The following SH3BP5 variants were observed in gnomAD, a reference collection of about 807,000 sequenced individuals.
SH3BP5 encodes SH3 domain-binding protein 5.
SH3BP5 carries 22 observed loss-of-function variants against 43.3 expected under a neutral mutation model. The ratio of observed to expected loss-of-function variants is 0.51; its 90% CI spans 0.36 to 0.73. The LOEUF is 0.73. SH3BP5 is among the 30% of genes least tolerant of loss of function. The pLI is 0.00. For synonymous variants in SH3BP5, 255 were observed against 225.8 expected (o/e 1.13, Z -1.16); for missense variants, 529 against 586.9 (o/e 0.90, Z 1.02).
chr3:15,312,670 C>T (rs1356361702), intron 2 of SH3BP5, among the ~76,000 whole-genome samples: 1 of 152,122 alleles, frequency 6.6e-6, no homozygotes, highest in East Asian at 1.9e-4. Context: ...CATTTGGTAC[C>T]ACAATGTCTT....
At chr3:15,330,454 C>T (rs756583382) in intron 2 of SH3BP5, 50 bp downstream of exon 2, 2 of 1,463,310 alleles carry the variant, frequency 1.4e-6, no homozygotes, top group Non-Finnish European at 1.9e-6. Context: ...AGCCTTGTGC[C>T]GGTGTGAGTG....
intron 3 of SH3BP5, among the ~76,000 whole-genome samples, chr3:15,303,764 G>A (rs1438567141): frequency 6.6e-6 from 1 of 152,150 alleles, no homozygotes; most frequent in Non-Finnish European, 1.5e-5. Flanking sequence ...TCCCAAGAGT[G>A]AGGCGAACGC....
At chr3:15,290,951 GAC>G (rs1319404639) in intron 3 of SH3BP5, among the ~76,000 whole-genome samples, 1 of 152,152 alleles carries the variant, frequency 6.6e-6, no homozygotes, top group Non-Finnish European at 1.5e-5. Context: ...GACAGGGGAA[GAC>G]ACAGCTGAGG....
chr3:15,334,403 A>G (rs1455913623), upstream of SH3BP5, among the ~76,000 whole-genome samples: 1 of 152,044 alleles, frequency 6.6e-6, no homozygotes, highest in South Asian at 2.1e-4. Context: ...TATTTGGGGG[A>G]AAAAAACACA....
intron 2 of SH3BP5, among the ~76,000 whole-genome samples, chr3:15,312,400 GT>G (rs1276022587): frequency 6.6e-6 from 1 of 152,152 alleles, no homozygotes; most frequent in Non-Finnish European, 1.5e-5. Context: ...AGAAATAAAT[GT>G]CTTTTGATTT....
intron 2 of SH3BP5, among the ~76,000 whole-genome samples, chr3:15,320,605 A>AACACACAC (rs376414934): frequency 0.13 from 16,661 of 126,806 alleles, 1,123 homozygotes; most frequent in East Asian, 0.17. Context: ...ATCCAGCCAA[A>AACACACAC]ACACACACAC....
At chr3:15,305,945 T>C (rs1373598342) in intron 2 of SH3BP5, among the ~76,000 whole-genome samples, 2 of 151,722 alleles carry the variant, frequency 1.3e-5, no homozygotes, top group Non-Finnish European at 2.9e-5. Flanking sequence ...GGAGGACCTA[T>C]TGGAAGGGAT....
intron 3 of SH3BP5, chr3:15,273,474 C>A: frequency 1.1e-6 from 1 of 897,070 alleles, no homozygotes; most frequent in Non-Finnish European, 1.3e-6. Flanking sequence ...AAATTCCGGA[C>A]AAGCGTCTGA....
At position 15,254,628 on chromosome 3, in the gene SH3BP5, T is replaced by G. The variant is rs1034613126; in HGVS notation, c.*1458A>C. The G allele has an allele frequency of 7.2e-5, 11 of 152,242 alleles. No individual in the cohort carries two copies. Among genetic ancestry groups the G allele is most frequent in the African/African-American group, 2.7e-4 (11 of 41,450 alleles). 9.4% of individuals were successfully genotyped at this position (152,242 alleles called of 1,614,324 possible). On this transcript the variant is annotated 3_prime_UTR_variant, in exon 9 of 9. Coordinates refer to ENST00000383791, the MANE Select transcript of SH3BP5 (RefSeq NM_004844.5). ...CTCCTCCAGCGTCACCACCTCGTCT[T>G]TATCTGCCACTGTGTCTCCTCATTG...
intron 3 of SH3BP5, among the ~76,000 whole-genome samples, chr3:15,294,320 TGTGTGTGTGTGCGC>T (rs1293192991): frequency 2.6e-3 from 369 of 143,862 alleles, no homozygotes; most frequent in African/African-American, 8.8e-3. Flanking sequence ...TGTGTGTGTG[TGTGTGTGTGTGCGC>T]GCGCATGTTT....
chr3:15,276,839 T>G (rs1355784266), intron 3 of SH3BP5, among the ~76,000 whole-genome samples: 1 of 152,262 alleles, frequency 6.6e-6, no homozygotes, highest in Non-Finnish European at 1.5e-5. Flanking sequence ...TTTCAGATAA[T>G]GTGTATAAAG....
intron 2 of SH3BP5, among the ~76,000 whole-genome samples, chr3:15,315,046 G>A (rs1384442821): frequency 6.6e-6 from 1 of 152,154 alleles, no homozygotes; most frequent in Admixed American, 6.5e-5. Context: ...ACCATGAGGT[G>A]GCATGGGAGG....
chr3:15,297,503 G>A (rs1697609097), intron 3 of SH3BP5, among the ~76,000 whole-genome samples: 1 of 152,108 alleles, frequency 6.6e-6, no homozygotes, highest in South Asian at 2.1e-4. Context: ...TGCTTTACAT[G>A]TACTAATTCA....
intron 3 of SH3BP5, among the ~76,000 whole-genome samples, chr3:15,272,100 C>T (rs555912945): frequency 4.3e-4 from 66 of 152,208 alleles, no homozygotes; most frequent in African/African-American, 1.5e-3. Flanking sequence ...TGCATGACTT[C>T]GAGGAAGTCT....
chr3:15,297,841 G>C (rs923937169), intron 3 of SH3BP5, among the ~76,000 whole-genome samples: 1 of 152,142 alleles, frequency 6.6e-6, no homozygotes. Flanking sequence ...GTATATGTGA[G>C]AGATCAGCTC....
upstream of SH3BP5, among the ~76,000 whole-genome samples, chr3:15,336,495 T>A (rs570016041): frequency 5.7e-4 from 87 of 152,266 alleles, 2 homozygotes; most frequent in Non-Finnish European, 1.1e-3. Context: ...AGCCTGATGA[T>A]CAGCCTCTTC....
chr3:15,304,531 C>T (rs1265163770), intron 2 of SH3BP5, among the ~76,000 whole-genome samples: 1 of 152,088 alleles, frequency 6.6e-6, no homozygotes, highest in South Asian at 2.1e-4. Flanking sequence ...TAATTTTAAT[C>T]ATCTCGGGTG....
chr3:15,303,878 T>C (rs112517517), intron 3 of SH3BP5, among the ~76,000 whole-genome samples: 7 of 152,176 alleles, frequency 4.6e-5, no homozygotes, highest in African/African-American at 1.4e-4. Flanking sequence ...CAGCACCAAC[T>C]CAGGGAGAGC....
At chr3:15,332,636 C>T, upstream of SH3BP5, 1 of 1,172,490 alleles carries the variant, frequency 8.5e-7, no homozygotes, top group Non-Finnish European at 1.1e-6. Flanking sequence ...GCGCAGCGCC[C>T]GCTCCGCCCC....
Sources: allele counts gnomAD v4.1 joint callset (sites outside exome capture counted in the v4.1 genomes callset), GRCh38; gene constraint gnomAD v4.1.1; transcripts MANE v1.5; gene names NCBI Gene and HGNC (gene_info 2026-07-23, HGNC 2026-07-21).